The following YES1 variants were observed in gnomAD, a reference collection of about 807,000 sequenced individuals.
The protein encoded by YES1 is YES proto-oncogene 1, Src family tyrosine kinase.
A neutral mutation model predicts 70.4 loss-of-function variants in YES1; 39 were observed. The ratio of observed to expected loss-of-function variants is 0.55; its 90% CI spans 0.43 to 0.72. YES1 has a LOEUF of 0.72. Among genes scored for constraint, YES1 ranks in the 30% least tolerant of loss-of-function variants. The pLI, the probability that YES1 is intolerant of heterozygous loss-of-function variation, is 0.00. For missense variants in YES1, 495 were observed against 644.8 expected, an observed-to-expected ratio of 0.77 and a Z score of 2.52; for synonymous variants, 198 against 218.6, an observed-to-expected ratio of 0.91 and a Z score of 0.83.
chr18:786,533 AC>A (rs1234729895), intron 1 of YES1, among the ~76,000 whole-genome samples: 4 of 151,346 alleles, frequency 2.6e-5, no homozygotes, highest in Non-Finnish European at 5.9e-5. Context: ...ACACACACAC[AC>A]ACAGAGTTGC....
At chr18:729,619 CTTTTTTTTTTT>C (rs869223956) in intron 11 of YES1, among the ~76,000 whole-genome samples, 3 of 75,384 alleles carry the variant, frequency 4.0e-5, no homozygotes, top group African/African-American at 1.8e-4. Context: ...TGATTTTGAA[CTTTTTTTTTTT>C]TTTTTTTTTT....
intron 1 of YES1, among the ~76,000 whole-genome samples, chr18:768,353 GATCA>G (rs1200128981): frequency 1.3e-5 from 2 of 152,186 alleles, no homozygotes; most frequent in African/African-American, 4.8e-5. Context: ...TTAATCTATA[GATCA>G]ATCTGGGGAG....
rs370522608 is a variant in YES1, at chr18:775,922, T to C, written c.-8-19087A>G. Among the ~76,000 whole-genome samples the C allele has an allele frequency of 2.7e-4, 41 of 152,362 alleles. 1 individual carries two copies. The South Asian group carries it at 8.1e-3, about 30-fold the overall frequency. ...AACAGCTGTACTTTGTTTTCACTTC[T>C]GTGTAGCATTCTTTTATATGAATAT... On this transcript the variant is annotated intron_variant, in intron 1 of 11. Coordinates refer to ENST00000314574, the MANE Select transcript of YES1 (RefSeq NM_005433.4).
At chr18:781,983 A>C (rs990636430) in intron 1 of YES1, among the ~76,000 whole-genome samples, 1 of 152,126 alleles carries the variant, frequency 6.6e-6, no homozygotes, top group Admixed American at 6.5e-5. Flanking sequence ...GTCATAAGAG[A>C]AACTAGAACC....
chr18:779,963 G>A (rs1905574038), intron 1 of YES1, among the ~76,000 whole-genome samples: 1 of 150,818 alleles, frequency 6.6e-6, no homozygotes, highest in Admixed American at 6.6e-5. Context: ...GCTGGGTGCA[G>A]TGGCTCACGC....
rs1222601356 is a variant in YES1, at chr18:756,522, CA to C, written c.271+34del. On this transcript the variant is annotated intron_variant, in intron 2 of 11. Transcript: ENST00000314574. ...TATATATTACCCAAGGTGATGTTCT[CA>C]AACAGACAACATAATTGTCCATTTA... The C allele has an allele frequency of 3.7e-6, 6 of 1,610,918 alleles. No homozygotes were observed. In the South Asian group the frequency reaches 6.6e-5, roughly 18 times the overall value.
chr18:763,703 CAAAAAAA>C (rs71174286), intron 1 of YES1, among the ~76,000 whole-genome samples: 16 of 63,712 alleles, frequency 2.5e-4, no homozygotes, highest in South Asian at 6.5e-4. Flanking sequence ...ATCCTGTCTT[CAAAAAAA>C]AAAAAAAAAA....
chr18:732,292 T>C (rs919307798), intron 11 of YES1, among the ~76,000 whole-genome samples: 1 of 151,398 alleles, frequency 6.6e-6, no homozygotes, highest in Non-Finnish European at 1.5e-5. Flanking sequence ...TACAAAAAAT[T>C]AGCTGGGTGT....
At chr18:805,098 C>T (rs945393398) in intron 1 of YES1, among the ~76,000 whole-genome samples, 4 of 152,054 alleles carry the variant, frequency 2.6e-5, no homozygotes, top group Admixed American at 1.3e-4. Context: ...TTTATCAATA[C>T]GGTCATGCAT....
intron 1 of YES1, among the ~76,000 whole-genome samples, chr18:799,743 A>G (rs1042972044): frequency 2.7e-5 from 4 of 149,706 alleles, no homozygotes; most frequent in African/African-American, 9.9e-5. Flanking sequence ...ACAAATACAA[A>G]TACAAAAATT....
Position 739,710 on chromosome 18 carries a change from T to C in YES1, c.1137+25A>G, listed in dbSNP as rs780738904. 9 of 1,534,986 alleles carry C rather than the reference T, an allele frequency of 5.9e-6. No individual in the cohort carries two copies. The East Asian group carries it at 1.6e-4, about 27-fold the overall frequency. On this transcript the variant is annotated intron_variant, in intron 9 of 11. Transcript: ENST00000314574. ...TTTTAATTTACACTTTTAATTCAAA[T>C]GGATACATGTATATATACAGATACC...
chr18:796,733 G>A (rs1906564906), intron 1 of YES1, among the ~76,000 whole-genome samples: 1 of 152,132 alleles, frequency 6.6e-6, no homozygotes, highest in Non-Finnish European at 1.5e-5. Context: ...ACTGGCCTGG[G>A]TGACAGAGGA....
intron 1 of YES1, among the ~76,000 whole-genome samples, chr18:760,362 C>A (rs1215077214): frequency 6.6e-6 from 1 of 151,942 alleles, no homozygotes; most frequent in Non-Finnish European, 1.5e-5. Flanking sequence ...CCCCGCTACT[C>A]GGGAGGCTGA....
intron 1 of YES1, chr18:775,026 G>A (rs1248316431): frequency 6.6e-6 from 1 of 152,192 alleles, no homozygotes; most frequent in Non-Finnish European, 1.5e-5. Flanking sequence ...GAGACAGAGT[G>A]TCTGGGTGCA....
At position 757,286 on chromosome 18, in the gene YES1, G is replaced by C. The variant is rs752549574; in HGVS notation, c.-8-451C>G. On this transcript the variant is annotated intron_variant, in intron 1 of 11. Coordinates refer to ENST00000314574, the MANE Select transcript of YES1 (RefSeq NM_005433.4). ...TGGGAGGCCAAGGCGGGCGGATCAC[G>C]AGGTCAGGAGATTGAGACCATCCTG... 1.5e-4 allele frequency among the ~76,000 whole-genome samples: 23 copies of C among 150,834 alleles called. 1 individual carries two copies. The highest frequency in any genetic ancestry group is 1.1e-3 in the South Asian group (5 of 4,746).
At chr18:768,870 T>C (rs774254056) in intron 1 of YES1, among the ~76,000 whole-genome samples, 13 of 151,904 alleles carry the variant, frequency 8.6e-5, no homozygotes, top group Non-Finnish European at 1.8e-4. Flanking sequence ...GCCTGGCTAA[T>C]TTTTGTATTT....
At position 744,689 on chromosome 18, in the gene YES1, CTTTTTTT is replaced by C. The variant is rs71174284; in HGVS notation, c.724+1012_724+1018del. Among the ~76,000 whole-genome samples the C allele has an allele frequency of 4.2e-4, 24 of 56,874 alleles. 1 individual carries two copies. The highest frequency in any genetic ancestry group is 8.7e-4 in the African/African-American group (14 of 16,128). 37.3% of individuals were successfully genotyped at this position (56,874 alleles called of 152,430 possible). ...ACAGGAGTGAGCCACCACGCCTGGC[CTTTTTTT>C]TTTTTTTTTTTTTTTTTTTAAGAGA... is the stretch of plus-strand genomic sequence containing the variant. On this transcript the variant is annotated intron_variant, in intron 6 of 11. Coordinates refer to ENST00000314574, the MANE Select transcript of YES1 (RefSeq NM_005433.4).
intron 6 of YES1, among the ~76,000 whole-genome samples, chr18:744,047 ATACT>A (rs2080249080): frequency 6.7e-6 from 1 of 148,900 alleles, no homozygotes; most frequent in South Asian, 2.1e-4. Flanking sequence ...TATTTACTAA[ATACT>A]TAGTATAACT....
intron 4 of YES1, 81 bp from the exon 5 acceptor site, chr18:746,132 G>T: frequency 1.0e-6 from 1 of 994,408 alleles, no homozygotes; most frequent in Non-Finnish European, 1.5e-6. Context: ...GAATGGACTG[G>T]GATAGGTTTG....
Sources: gnomAD v4.1 joint callset for allele counts (sites outside exome capture counted in the v4.1 genomes callset) on GRCh38, gnomAD v4.1.1 for gene constraint, MANE v1.5 for transcripts, NCBI Gene and HGNC (gene_info 2026-07-23, HGNC 2026-07-21) for gene names.